HOMER2: variants seen among roughly 807,000 people sequenced by gnomAD.
HOMER2 encodes the protein homer scaffold protein 2.
A neutral mutation model predicts 47.0 loss-of-function variants in HOMER2; 27 were observed. The observed-to-expected ratio is 0.57, with a 90% CI of 0.42 to 0.79. The LOEUF (loss-of-function observed/expected upper bound fraction) is 0.79, where lower values mean the gene tolerates loss of function less well. Among genes scored for constraint, HOMER2 ranks in the 30% least tolerant of loss-of-function variants. The pLI is 0.00. For missense variants in HOMER2, 443 were observed against 435.0 expected, an observed-to-expected ratio of 1.02 and a Z score of -0.16; for synonymous variants, 161 against 163.8, an observed-to-expected ratio of 0.98 and a Z score of 0.13.
At position 82,903,101 on chromosome 15, in the gene HOMER2, AC is replaced by A. The variant is rs1197005713; in HGVS notation, c.6-10261del. On this transcript the variant is annotated intron_variant, in intron 1 of 8. Transcript: ENST00000450735. ...ATCAGAACTACAATTTAGAGGGATCACTGTGGCACTTCTATTGAAGATGGGC... is the reference window on the plus strand; with the variant it reads ...ATCAGAACTACAATTTAGAGGGATCATGTGGCACTTCTATTGAAGATGGGC... Among the ~76,000 whole-genome samples the A allele has an allele frequency of 3.3e-5, 5 of 152,344 alleles. No homozygotes were observed. In the East Asian group the frequency reaches 9.6e-4, roughly 29 times the overall value.
intron 1 of HOMER2, among the ~76,000 whole-genome samples, chr15:82,936,638 T>C (rs1476430236): frequency 6.6e-6 from 1 of 152,196 alleles, no homozygotes; most frequent in East Asian, 1.9e-4. Context: ...AGTGGCGTGA[T>C]CTCAGCTCGC....
intron 1 of HOMER2, among the ~76,000 whole-genome samples, chr15:82,928,939 C>CAAAAAA (rs1596362215): frequency 5.3e-5 from 1 of 18,696 alleles, no homozygotes; most frequent in Non-Finnish European, 8.8e-5. Flanking sequence ...AAAATAAAAA[C>CAAAAAA]TAAAAAAAAA....
At chr15:82,970,611 C>T (rs532832483) in intron 1 of HOMER2, among the ~76,000 whole-genome samples, 13 of 152,160 alleles carry the variant, frequency 8.5e-5, no homozygotes, top group Non-Finnish European at 1.8e-4. Context: ...GCTATTATTA[C>T]CTGTGCCATA....
In HOMER2 at chr15:82,931,675, A is replaced by G. The variant is rs375104854; in HGVS notation, c.5+20856T>C. Among the ~76,000 whole-genome samples the G allele has an allele frequency of 3.8e-4, 58 of 152,192 alleles. No homozygotes were observed. In the East Asian group the frequency reaches 0.01, roughly 26 times the overall value. On this transcript the variant is annotated intron_variant, in intron 1 of 8. Transcript: ENST00000450735. ...AACACGGTGAAACCCCGTCTCTACT[A>G]AAAATACAAAAAATTAGTTGGGTGT...
intron 1 of HOMER2, among the ~76,000 whole-genome samples, chr15:82,963,061 C>T (rs555812627): frequency 4.4e-4 from 67 of 152,238 alleles, no homozygotes; most frequent in Non-Finnish European, 6.6e-4. Flanking sequence ...AGGCAGATCA[C>T]GAGGTCAAGA....
chr15:82,927,022 C>T (rs577158367), intron 1 of HOMER2, among the ~76,000 whole-genome samples: 1 of 152,166 alleles, frequency 6.6e-6, no homozygotes, highest in Non-Finnish European at 1.5e-5. Flanking sequence ...TTAATGAGGG[C>T]TCTACTCCTA....
intron 1 of HOMER2, among the ~76,000 whole-genome samples, chr15:82,923,003 C>T (rs1047385278): frequency 1.3e-5 from 2 of 152,128 alleles, no homozygotes; most frequent in African/African-American, 2.4e-5. Context: ...ATCAGAGGCA[C>T]GTGGCTCCAA....
At chr15:82,923,704 G>A (rs1396199681) in intron 1 of HOMER2, among the ~76,000 whole-genome samples, 1 of 152,164 alleles carries the variant, frequency 6.6e-6, no homozygotes, top group Non-Finnish European at 1.5e-5. Flanking sequence ...GCATGCAAGT[G>A]TGCACATACC....
In HOMER2 at chr15:82,942,503, A is replaced by C. The variant is rs371256507; in HGVS notation, c.5+10028T>G. ...TTGGGCAGTGTTTACGTGATGTCCA[A>C]CTTCTCCACTAGCCTGTAAGCATCC... On this transcript the variant is annotated intron_variant, in intron 1 of 8. Coordinates refer to ENST00000450735, the MANE Select transcript of HOMER2 (RefSeq NM_004839.4). 1.8e-4 allele frequency among the ~76,000 whole-genome samples: 28 copies of C among 152,296 alleles called. No homozygotes were observed. In the East Asian group the frequency reaches 5.4e-3, roughly 29 times the overall value.
chr15:82,972,837 T>A (rs1217614828), intron 1 of HOMER2, among the ~76,000 whole-genome samples: 1 of 152,210 alleles, frequency 6.6e-6, no homozygotes, highest in Non-Finnish European at 1.5e-5. Context: ...AAATGCTTTA[T>A]ATGGAGGTAA....
At chr15:82,902,939 T>A (rs760684720) in intron 1 of HOMER2, among the ~76,000 whole-genome samples, 1 of 152,268 alleles carries the variant, frequency 6.6e-6, no homozygotes. Context: ...AATTAATTCA[T>A]CTGTGAGACC....
chr15:82,890,825 G>A lies in HOMER2; in HGVS notation c.162+1860C>T, dbSNP rs141990095. Reference sequence around the variant, plus strand: ...TCTATAGATAAAAGAAAGCAGGTCAGCTTGATTCACCACTGCTGTCAGAAC... The same window carrying A: ...TCTATAGATAAAAGAAAGCAGGTCAACTTGATTCACCACTGCTGTCAGAAC... On this transcript the variant is annotated intron_variant, in intron 2 of 8. Transcript: ENST00000450735. Among the ~76,000 whole-genome samples, 84 of 152,306 alleles carry A rather than the reference G, an allele frequency of 5.5e-4. No individual in the cohort carries two copies. In the East Asian group the frequency reaches 5.8e-3, roughly 10 times the overall value.
chr15:82,985,374 G>A (rs1363661871), intron 1 of HOMER2, among the ~76,000 whole-genome samples: 2 of 152,112 alleles, frequency 1.3e-5, no homozygotes, highest in Non-Finnish European at 1.5e-5. Context: ...TGATGCTAGA[G>A]GCAGGACATC....
intron 2 of HOMER2, among the ~76,000 whole-genome samples, chr15:82,891,491 G>A (rs1307591837): frequency 3.3e-5 from 5 of 152,156 alleles, no homozygotes; most frequent in African/African-American, 9.7e-5. Flanking sequence ...TGAAGAGATC[G>A]GGAGGCACCA....
At chr15:82,872,005 G>T (rs1382827749) in intron 3 of HOMER2, among the ~76,000 whole-genome samples, 1 of 152,116 alleles carries the variant, frequency 6.6e-6, no homozygotes, top group African/African-American at 2.4e-5. Flanking sequence ...CCCTGGGAGG[G>T]AACAGGAGCA....
chr15:82,855,325 C>CAAAAAAAAA (rs1162254209), intron 5 of HOMER2, among the ~76,000 whole-genome samples: 17 of 61,510 alleles, frequency 2.8e-4, no homozygotes, highest in South Asian at 1.0e-3. Context: ...ACTCCATCTC[C>CAAAAAAAAA]AAAAAAAAAA....
intron 3 of HOMER2, among the ~76,000 whole-genome samples, chr15:82,868,997 C>T (rs891251502): frequency 6.6e-6 from 1 of 152,126 alleles, no homozygotes; most frequent in African/African-American, 2.4e-5. Context: ...AGTTACCACA[C>T]TTTTTTTGGA....
At chr15:82,907,264 T>C (rs1228830087) in intron 1 of HOMER2, among the ~76,000 whole-genome samples, 1 of 151,766 alleles carries the variant, frequency 6.6e-6, no homozygotes, top group Non-Finnish European at 1.5e-5. Context: ...GGCTGAGGCA[T>C]GAGAATCGCT....
intron 1 of HOMER2, among the ~76,000 whole-genome samples, chr15:82,965,545 T>C (rs1236853557): frequency 2.6e-5 from 4 of 152,132 alleles, no homozygotes; most frequent in Non-Finnish European, 5.9e-5. Flanking sequence ...GGGTAGAGCA[T>C]AGTGGTTAAG....
Sources: gnomAD v4.1 joint callset for allele counts (sites outside exome capture counted in the v4.1 genomes callset) on GRCh38, gnomAD v4.1.1 for gene constraint, MANE v1.5 for transcripts, NCBI Gene and HGNC (gene_info 2026-07-23, HGNC 2026-07-21) for gene names.